The following DIAPH3 variants were observed in gnomAD, a reference collection of about 807,000 sequenced individuals.
The protein encoded by DIAPH3 is diaphanous related formin 3.
Under a neutral mutation model 144.3 loss-of-function variants are expected in DIAPH3, and 117 were observed. The observed-to-expected ratio is 0.81, with a 90% CI of 0.70 to 0.95. The LOEUF (loss-of-function observed/expected upper bound fraction) is 0.95. Ranked by LOEUF, DIAPH3 falls within the 40% of genes least tolerant of loss-of-function variation. DIAPH3 has a pLI of 0.00. For missense variants in DIAPH3, 1,421 were observed against 1,412.7 expected, an observed-to-expected ratio of 1.01 and a Z score of -0.09; for synonymous variants, 519 against 488.9, an observed-to-expected ratio of 1.06 and a Z score of -0.81.
At chr13:60,115,988 C>T (rs1311448206) in intron 2 of DIAPH3, among the ~76,000 whole-genome samples, 3 of 151,918 alleles carry the variant, frequency 2.0e-5, no homozygotes, top group Non-Finnish European at 4.4e-5. Context: ...CACTTTCAGA[C>T]AAAAACTGAG....
At chr13:59,933,910 A>C (rs1041000037) in intron 17 of DIAPH3, among the ~76,000 whole-genome samples, 14 of 152,162 alleles carry the variant, frequency 9.2e-5, no homozygotes, top group Non-Finnish European at 1.8e-4. Flanking sequence ...TTTCATACTA[A>C]ATTTTCCATT....
At chr13:60,056,339 G>C (rs539585224) in intron 4 of DIAPH3, among the ~76,000 whole-genome samples, 43 of 151,560 alleles carry the variant, frequency 2.8e-4, no homozygotes, top group African/African-American at 9.4e-4. Context: ...CAGATACATA[G>C]ACATAGATAG....
At chr13:59,909,649 T>C (rs1045366101) in intron 20 of DIAPH3, among the ~76,000 whole-genome samples, 1 of 152,224 alleles carries the variant, frequency 6.6e-6, no homozygotes, top group Non-Finnish European at 1.5e-5. Context: ...AATCAATAGA[T>C]GACTAAGGCA....
At chr13:59,681,189 C>T (rs73206698) in intron 27 of DIAPH3, among the ~76,000 whole-genome samples, 6,915 of 152,196 alleles carry the variant, frequency 0.045, 180 homozygotes, top group African/African-American at 0.054. Flanking sequence ...AACAAAATGC[C>T]GGGCTCAGTG....
At chr13:59,676,039 C>A (rs558019445) in intron 27 of DIAPH3, among the ~76,000 whole-genome samples, 6 of 152,198 alleles carry the variant, frequency 3.9e-5, no homozygotes, top group Admixed American at 3.9e-4. Flanking sequence ...TCTTATACTT[C>A]TTCAACATTT....
intron 1 of DIAPH3, among the ~76,000 whole-genome samples, chr13:60,158,311 G>A (rs1205346415): frequency 2.0e-5 from 3 of 152,182 alleles, no homozygotes; most frequent in African/African-American, 7.2e-5. Flanking sequence ...TTCCCCAGCA[G>A]ATTTCTCCTT....
rs762757015 is a variant in DIAPH3, at chr13:60,016,143, C to T, written c.629G>A (p.Trp210Ter). Residue 210 changes from tryptophan (W) to a stop codon, truncating the protein, a stop_gained and splice_region_variant, in exon 6 of 28, where the codon TGG (tryptophan) becomes TAG (stop). Coordinates refer to ENST00000400324, the MANE Select transcript of DIAPH3 (RefSeq NM_001042517.2). LOFTEE classifies it high-confidence loss of function. The stretch of plus-strand genomic sequence containing the variant: ...CCCTTCATGTCCAAAGCTTTCCACC[C>T]AACTGAAAAACAGAAAAAAGACAGT... ...RVSLTSNPVS[W>*]VESFGHEGLG... The T allele has an allele frequency of 5.0e-6, 8 of 1,613,520 alleles. No homozygotes were observed. The highest frequency in any genetic ancestry group is 6.8e-6 in the Non-Finnish European group (8 of 1,179,724).
intron 27 of DIAPH3, among the ~76,000 whole-genome samples, chr13:59,706,855 T>A (rs547631627): frequency 6.6e-6 from 1 of 152,308 alleles, no homozygotes; most frequent in East Asian, 1.9e-4. Context: ...ATATTTGCAT[T>A]TGTGGACAAT....
chr13:59,921,789 C>T (rs1226849203), intron 18 of DIAPH3, among the ~76,000 whole-genome samples: 1 of 152,022 alleles, frequency 6.6e-6, no homozygotes, highest in East Asian at 1.9e-4. Flanking sequence ...AGGAAAGCTA[C>T]TTGTCAATAA....
intron 1 of DIAPH3, among the ~76,000 whole-genome samples, chr13:60,146,057 CCTCT>C (rs1951503951): frequency 6.6e-6 from 1 of 151,798 alleles, no homozygotes; most frequent in Non-Finnish European, 1.5e-5. Flanking sequence ...CTTATTACAC[CCTCT>C]AAGTTGTTTT....
At chr13:60,159,937 C>T (rs898038121) in intron 1 of DIAPH3, among the ~76,000 whole-genome samples, 1 of 151,902 alleles carries the variant, frequency 6.6e-6, no homozygotes, top group Non-Finnish European at 1.5e-5. Flanking sequence ...GAAAAAATCT[C>T]AAAACCGGCC....
intron 18 of DIAPH3, among the ~76,000 whole-genome samples, chr13:59,922,496 C>A (rs775422433): frequency 1.3e-5 from 2 of 151,964 alleles, no homozygotes; most frequent in Non-Finnish European, 2.9e-5. Flanking sequence ...ATGAACCTTT[C>A]CATTTTAGTA....
intron 27 of DIAPH3, among the ~76,000 whole-genome samples, chr13:59,729,810 A>ATTTTTTTTTTTTTTTTTTTTTTTTT (rs59987412): frequency 1.0e-4 from 14 of 134,240 alleles, no homozygotes; most frequent in African/African-American, 4.3e-4. Flanking sequence ...ATACATTAAT[A>ATTTTTTTTTTTTTTTTTTTTTTTTT]TTTTTTTTTT....
intron 20 of DIAPH3, among the ~76,000 whole-genome samples, chr13:59,890,029 G>C (rs1295185037): frequency 9.2e-5 from 14 of 152,088 alleles, no homozygotes; most frequent in Non-Finnish European, 7.4e-5. Context: ...GTGTTAAGAT[G>C]ATCTCTGTAA....
intron 2 of DIAPH3, among the ~76,000 whole-genome samples, chr13:60,115,167 TG>T (rs1236182971): frequency 6.6e-6 from 1 of 152,178 alleles, no homozygotes; most frequent in East Asian, 1.9e-4. Context: ...CAAGATGAAT[TG>T]TCTGCTGAAA....
rs1482599433 is a variant in DIAPH3 at position 59,700,442 on chromosome 13, A to C, written c.3320-33596T>G. Among the ~76,000 whole-genome samples the C allele has an allele frequency of 3.9e-5, 6 of 152,200 alleles. No individual in the cohort carries two copies. In the East Asian group the frequency reaches 1.2e-3, roughly 29 times the overall value. ...TTCTGACAAGTATCCCCAAGAATGT[A>C]ACATTGGAGGATGTGGCAGAGAGAG... On this transcript the variant is annotated intron_variant, in intron 27 of 27. Transcript: ENST00000400324.
At chr13:59,917,679 A>G (rs2047287680) in intron 18 of DIAPH3, among the ~76,000 whole-genome samples, 3 of 151,960 alleles carry the variant, frequency 2.0e-5, no homozygotes, top group African/African-American at 7.2e-5. Flanking sequence ...TCACGAGGTC[A>G]GCAGATCGAG....
At chr13:60,063,936 A>G (rs2056863928) in intron 4 of DIAPH3, among the ~76,000 whole-genome samples, 1 of 152,160 alleles carries the variant, frequency 6.6e-6, no homozygotes, top group South Asian at 2.1e-4. Flanking sequence ...ACTCAAAAAA[A>G]AAAGACATTA....
At chr13:59,704,069 TATC>T (rs1350788644) in intron 27 of DIAPH3, among the ~76,000 whole-genome samples, 6 of 152,226 alleles carry the variant, frequency 3.9e-5, no homozygotes, top group Admixed American at 6.5e-5. Flanking sequence ...TCTGGCAGGT[TATC>T]ATTTCCTCAG....
Sources: allele counts gnomAD v4.1 joint callset (sites outside exome capture counted in the v4.1 genomes callset), GRCh38; gene constraint gnomAD v4.1.1; transcripts MANE v1.5; gene names NCBI Gene and HGNC (gene_info 2026-07-23, HGNC 2026-07-21).